The following SLC29A3 variants were observed in gnomAD, a reference collection of about 807,000 sequenced individuals.
The protein encoded by SLC29A3 is solute carrier family 29 member 3.
A neutral mutation model predicts 25.4 loss-of-function variants in SLC29A3; 18 were observed. The observed-to-expected ratio is 0.71, with a 90% confidence interval of 0.49 to 1.05. The LOEUF (loss-of-function observed/expected upper bound fraction) is 1.05. Ranked by LOEUF, SLC29A3 falls within the 50% of genes least tolerant of loss-of-function variation. SLC29A3 has a pLI of 0.00. For missense variants in SLC29A3, 586 were observed against 609.0 expected (o/e 0.96, Z 0.40); for synonymous variants, 258 against 267.1 (o/e 0.97, Z 0.33).
chr10:71,329,987 C>G (rs1846082385), intron 2 of SLC29A3, among the ~76,000 whole-genome samples: 1 of 152,172 alleles, frequency 6.6e-6, no homozygotes, highest in Non-Finnish European at 1.5e-5. Context: ...TAGTCTACCT[C>G]GAGTGTGGGG....
At chr10:71,361,917 C>T (rs773443454) in intron 5 of SLC29A3, 37 bp from the exon 6 acceptor site, 2 of 1,612,256 alleles carry the variant, frequency 1.2e-6, no homozygotes, top group South Asian at 2.2e-5. Flanking sequence ...AGATCCCAAG[C>T]AACCTGCTTG....
intron 2 of SLC29A3, among the ~76,000 whole-genome samples, chr10:71,343,711 G>C (rs1846477362): frequency 6.6e-6 from 1 of 152,194 alleles, no homozygotes. Flanking sequence ...ACTTTGCGGG[G>C]CCAAGGCGAG....
intron 3 of SLC29A3, among the ~76,000 whole-genome samples, chr10:71,374,492 G>A (rs77152271): frequency 6.6e-5 from 10 of 152,218 alleles, no homozygotes; most frequent in South Asian, 4.1e-4. Flanking sequence ...ATGGTAACCC[G>A]AAGGTAAGCC....
intron 2 of SLC29A3, among the ~76,000 whole-genome samples, chr10:71,324,299 A>G (rs1362640444): frequency 6.6e-6 from 1 of 152,202 alleles, no homozygotes; most frequent in Non-Finnish European, 1.5e-5. Context: ...TGTTTCAGCC[A>G]AACATGGAAA....
chr10:71,359,016 T>C (rs1045000988), intron 5 of SLC29A3, among the ~76,000 whole-genome samples: 6 of 152,114 alleles, frequency 3.9e-5, no homozygotes, highest in Non-Finnish European at 8.8e-5. Flanking sequence ...GCTCAAGCGA[T>C]CCTCAAGTTA....
chr10:71,319,463 C>G (rs1198186735), intron 1 of SLC29A3, 153 bp downstream of exon 1: 3 of 450,098 alleles, frequency 6.7e-6, no homozygotes, highest in Non-Finnish European at 1.2e-5. Flanking sequence ...CCCCACCGTC[C>G]CTCCTCTCTC....
intron 2 of SLC29A3, among the ~76,000 whole-genome samples, chr10:71,329,158 TCA>T (rs1392423520): frequency 3.3e-5 from 5 of 152,160 alleles, no homozygotes; most frequent in Admixed American, 3.3e-4. Flanking sequence ...AAACCAAGGC[TCA>T]CAGATTTTAG....
intron 2 of SLC29A3, among the ~76,000 whole-genome samples, chr10:71,330,638 A>C (rs1015029017): frequency 6.6e-5 from 10 of 152,212 alleles, no homozygotes; most frequent in African/African-American, 2.4e-4. Context: ...CATTTACATA[A>C]CGCTGCAGAC....
chr10:71,346,164 A>G (rs1019069918), intron 3 of SLC29A3, among the ~76,000 whole-genome samples: 2 of 152,232 alleles, frequency 1.3e-5, no homozygotes, highest in Admixed American at 6.5e-5. Flanking sequence ...AGTGGTCTGG[A>G]GGTCCCACAG....
chr10:71,333,040 G>A (rs7071979), intron 2 of SLC29A3, among the ~76,000 whole-genome samples: 6,186 of 152,250 alleles, frequency 0.041, 426 homozygotes, highest in African/African-American at 0.14. Flanking sequence ...ATCCAGAGGC[G>A]ATTTCCTGGA....
chr10:71,380,641 G>A (rs943783051), exon 5 of SLC29A3: 3 of 152,312 alleles, frequency 2.0e-5, no homozygotes, highest in African/African-American at 7.2e-5. Context: ...TGCTCAAAAG[G>A]TAGGGGTCTC....
chr10:71,379,596 C>T (rs1056183133), intron 4 of SLC29A3, among the ~76,000 whole-genome samples: 7 of 152,214 alleles, frequency 4.6e-5, no homozygotes, highest in African/African-American at 1.7e-4. Flanking sequence ...CTTTGTTCTT[C>T]TCTTCTGTTT....
chr10:71,336,190 T>C (rs1472643373), intron 2 of SLC29A3, among the ~76,000 whole-genome samples: 1 of 152,192 alleles, frequency 6.6e-6, no homozygotes, highest in African/African-American at 2.4e-5. Flanking sequence ...TGTGTCTGTG[T>C]GTCCTTCCCT....
intron 3 of SLC29A3, among the ~76,000 whole-genome samples, chr10:71,345,168 T>C (rs1408519680): frequency 6.6e-6 from 1 of 152,178 alleles, no homozygotes; most frequent in Non-Finnish European, 1.5e-5. Context: ...GATCAGTCTT[T>C]CCAAACATAT....
chr10:71,370,673 T>C (rs545757647), intron 3 of SLC29A3, among the ~76,000 whole-genome samples: 2 of 152,306 alleles, frequency 1.3e-5, no homozygotes, highest in East Asian at 3.9e-4. Flanking sequence ...TAGCTGGGAC[T>C]ACAGGCATGT....
chr10:71,360,106 C>T (rs1847015702), intron 5 of SLC29A3, among the ~76,000 whole-genome samples: 1 of 148,608 alleles, frequency 6.7e-6, no homozygotes, highest in Non-Finnish European at 1.5e-5. Context: ...CAAATGTGGT[C>T]CTTGCTCCAG....
At chr10:71,335,659 T>G (rs936908757) in intron 2 of SLC29A3, among the ~76,000 whole-genome samples, 4 of 152,020 alleles carry the variant, frequency 2.6e-5, no homozygotes, top group African/African-American at 9.7e-5. Context: ...CCAAGGAAGC[T>G]TTGAAGAGGG....
chr10:71,343,688 C>A (rs1846476511), intron 2 of SLC29A3, among the ~76,000 whole-genome samples: 1 of 152,180 alleles, frequency 6.6e-6, no homozygotes, highest in African/African-American at 2.4e-5. Context: ...TGCCTCATGC[C>A]TGTAATACCA....
intron 2 of SLC29A3, among the ~76,000 whole-genome samples, chr10:71,342,871 C>A (rs1846448596): frequency 6.6e-6 from 1 of 152,256 alleles, no homozygotes; most frequent in South Asian, 2.1e-4. Flanking sequence ...AAGGCCACCA[C>A]AGCCTTATAT....
Sources: gnomAD v4.1 joint callset for allele counts (sites outside exome capture counted in the v4.1 genomes callset) on GRCh38, gnomAD v4.1.1 for gene constraint, MANE v1.5 for transcripts, NCBI Gene and HGNC (gene_info 2026-07-23, HGNC 2026-07-21) for gene names.